TRAPPC8: variants seen among roughly 807,000 people sequenced by gnomAD.
TRAPPC8 encodes trafficking protein particle complex subunit 8, also known as general sporulation gene 1 homolog.
In TRAPPC8, 54 loss-of-function variants were observed where a neutral mutation model predicts 174.3. The observed-to-expected ratio is 0.31, with a 90% CI of 0.25 to 0.39. The LOEUF (loss-of-function observed/expected upper bound fraction) is 0.39, where lower values mean the gene tolerates loss of function less well. Ranked by LOEUF, TRAPPC8 falls within the 10% of genes least tolerant of loss-of-function variation. The pLI, the probability that TRAPPC8 is intolerant of heterozygous loss-of-function variation, is 1.00. For missense variants in TRAPPC8, 1,531 were observed against 1,699.1 expected, an observed-to-expected ratio of 0.90 and a Z score of 1.74; for synonymous variants, 630 against 579.9, an observed-to-expected ratio of 1.09 and a Z score of -1.24.
intron 21 of TRAPPC8, among the ~76,000 whole-genome samples, chr18:31,854,539 A>C (rs2033889818): frequency 6.6e-6 from 1 of 152,220 alleles, no homozygotes; most frequent in Non-Finnish European, 1.5e-5. Flanking sequence ...GAAAGCAGAC[A>C]CCTTACAAAT....
chr18:31,921,830 T>C (rs1037502179), intron 2 of TRAPPC8, among the ~76,000 whole-genome samples: 1 of 152,170 alleles, frequency 6.6e-6, no homozygotes, highest in Non-Finnish European at 1.5e-5. Context: ...TCCAATTATA[T>C]ATATATTTAG....
intron 27 of TRAPPC8, among the ~76,000 whole-genome samples, chr18:31,838,981 T>C (rs1385673444): frequency 6.6e-6 from 1 of 152,224 alleles, no homozygotes; most frequent in Non-Finnish European, 1.5e-5. Flanking sequence ...TTGTTTCTAA[T>C]AGGCTTCTCT....
rs1379396532 is a variant in TRAPPC8 at position 31,870,440 on chromosome 18, A to C, written c.2320T>G (p.Leu774Val). The C allele has an allele frequency of 3.1e-6, 5 of 1,613,212 alleles. No homozygotes were observed. The highest frequency in any genetic ancestry group is 1.3e-5 in the African/African-American group (1 of 75,018). Residue 774 changes from leucine to valine, a missense_variant, in exon 16 of 29, where the codon TTG becomes GTG. By Grantham distance (32) the Leu-to-Val change is conservative. Transcript: ENST00000283351. ...PLKVLLLLTD[L>V]SLLWKFHPKD... Reference sequence around the variant, plus strand: ...GGATGAAACTTCCAAAGCAATGACAAATCAGTCAACAAAAGTAGAACTTTC... The same window carrying C: ...GGATGAAACTTCCAAAGCAATGACACATCAGTCAACAAAAGTAGAACTTTC...
rs532919958 is a variant in TRAPPC8 at position 31,892,954 on chromosome 18, C to T, written c.1597-2088G>A. Among the ~76,000 whole-genome samples, 11 of 150,848 alleles carry T rather than the reference C, an allele frequency of 7.3e-5. No homozygotes were observed. The South Asian group carries it at 2.1e-3, about 29-fold the overall frequency. ...ATCACCTGAGCCTGGGAGGCTGCGG[C>T]TGCAGTGAGCCATGAATGCACCACT... On this transcript the variant is annotated intron_variant, in intron 11 of 28. Coordinates refer to ENST00000283351, the MANE Select transcript of TRAPPC8 (RefSeq NM_014939.5).
chr18:31,931,408 A>T lies in TRAPPC8; in HGVS notation c.273T>A (p.Asp91Glu). The change falls in exon 2 of 29, where the codon GAT becomes GAA. Residue 91 changes from aspartate to glutamate, a missense_variant. Physicochemically the swap from Asp to Glu is conservative, Grantham distance 45. Coordinates refer to ENST00000283351, the MANE Select transcript of TRAPPC8 (RefSeq NM_014939.5). ...CTGCAGGCTGACTGCCAGAAACAAC[A>T]TCATTCAAAAGCTTCCGGATGGCTC... ...QPGAIRKLLN[D>E]VVSGSQPAEG... 6.2e-7 allele frequency: 1 copy of T among 1,612,994 alleles called. No individual in the cohort carries two copies. The highest frequency in any genetic ancestry group is 2.2e-5 in the East Asian group (1 of 44,870).
intron 19 of TRAPPC8, among the ~76,000 whole-genome samples, chr18:31,860,006 A>G (rs971880103): frequency 7.1e-6 from 1 of 141,140 alleles, no homozygotes; most frequent in African/African-American, 2.7e-5. Flanking sequence ...ACAGAGCAAG[A>G]CTCCGTCTCA....
intron 26 of TRAPPC8, among the ~76,000 whole-genome samples, chr18:31,843,902 T>C (rs2033245172): frequency 6.6e-6 from 1 of 152,178 alleles, no homozygotes; most frequent in African/African-American, 2.4e-5. Context: ...TTTCACAGAG[T>C]CTCATTTGTA....
Position 31,864,675 on chromosome 18 carries a change from A to G in TRAPPC8, c.2697T>C (p.Pro899=), listed in dbSNP as rs147664866. ...TGATTATGGGATCTAAACGTCGATC[A>G]GGGCCATATTTAACAGATGTTTTCT... ...KEEKTSVKYG[P]DRRLDPIITE... is the part of the protein sequence containing the mutation. The change falls in exon 19 of 29, where the codon CCT becomes CCC. Residue 899 remains proline, a synonymous_variant. Coordinates refer to ENST00000283351, the MANE Select transcript of TRAPPC8 (RefSeq NM_014939.5). 1,401 of 1,612,934 alleles carry G rather than the reference A, an allele frequency of 8.7e-4. 7 individuals carry two copies. The African/African-American group carries it at 0.016, about 18-fold the overall frequency.
chr18:31,829,345 C>T lies in TRAPPC8; in HGVS notation c.*1410G>A, dbSNP rs1358318449. ...TGAGATACCACTGTGATTATGCCTC[C>T]TCATTCTTGTCTTTCCTCCTCAGAC... is the stretch of plus-strand genomic sequence containing the variant. On this transcript the variant is annotated 3_prime_UTR_variant, in exon 29 of 29. Transcript: ENST00000283351. 2.0e-5 allele frequency: 3 copies of T among 152,102 alleles called. No individual in the cohort carries two copies. Among genetic ancestry groups the T allele is most frequent in the Non-Finnish European group, 4.4e-5 (3 of 68,022 alleles). 9.4% of individuals were successfully genotyped at this position (152,102 alleles called of 1,614,324 possible). A position where few individuals can be genotyped will look rare whatever the true frequency, so the allele number is the denominator to read the frequency against.
Position 31,908,972 on chromosome 18 carries a change from A to G in TRAPPC8, c.904T>C (p.Leu302=), listed in dbSNP as rs370086854. The change falls in exon 7 of 29, where the codon TTG becomes CTG. Residue 302 remains leucine, a synonymous_variant. Coordinates refer to ENST00000283351, the MANE Select transcript of TRAPPC8 (RefSeq NM_014939.5). ...PNNFRAHPLQ[L]EQSSDPSNSI... Reference sequence around the variant, plus strand: ...TTAGAAGGGTCACTGGATTGCTCCAACTGAAGTGGGTGAGCTCTAAAGTTA... The same window carrying G: ...TTAGAAGGGTCACTGGATTGCTCCAGCTGAAGTGGGTGAGCTCTAAAGTTA... 9.3e-6 allele frequency: 15 copies of G among 1,612,130 alleles called. No individual in the cohort carries two copies. Among genetic ancestry groups the G allele is most frequent in the African/African-American group, 1.3e-5 (1 of 74,890 alleles).
At chr18:31,873,628 A>C (rs1021745825) in intron 13 of TRAPPC8, 90 bp from the exon 14 acceptor site, 1 of 830,128 alleles carries the variant, frequency 1.2e-6, no homozygotes, top group African/African-American at 1.7e-5. Context: ...AAGGCATTAA[A>C]AATATGTTAA....
chr18:31,870,877 C>T lies in TRAPPC8; in HGVS notation c.2257+49G>A, dbSNP rs771414166. On this transcript the variant is annotated intron_variant, in intron 15 of 28. Transcript: ENST00000283351. ...CAAACAATAAATTATCTTCATCATGCTGTAAGTAAAACAAATAAAAAACAG... is the reference window on the plus strand; with the variant it reads ...CAAACAATAAATTATCTTCATCATGTTGTAAGTAAAACAAATAAAAAACAG... The T allele has an allele frequency of 5.7e-6, 8 of 1,393,178 alleles. No individual in the cohort carries two copies. The African/African-American group carries it at 1.0e-4, about 18-fold the overall frequency. 86.3% of individuals were successfully genotyped at this position (1,393,178 alleles called of 1,614,324 possible).
At position 31,853,828 on chromosome 18, in the gene TRAPPC8, T is replaced by C. The variant is rs753355895; in HGVS notation, c.3433+21A>G. ...TAATGAAGTTTCAAAATTTATTATG[T>C]AGCAGGAAAAACAAACAAACCTTTG... On this transcript the variant is annotated intron_variant, in intron 22 of 28. Transcript: ENST00000283351. 7 of 1,572,358 alleles carry C rather than the reference T, an allele frequency of 4.5e-6. No homozygotes were observed. The East Asian group carries it at 1.6e-4, about 35-fold the overall frequency.
intron 19 of TRAPPC8, among the ~76,000 whole-genome samples, chr18:31,860,098 T>C (rs138233945): frequency 6.6e-6 from 1 of 152,230 alleles, no homozygotes; most frequent in Non-Finnish European, 1.5e-5. Context: ...TTGATATTTG[T>C]GATAGCTTCA....
intron 11 of TRAPPC8, among the ~76,000 whole-genome samples, chr18:31,896,716 T>C (rs1051331053): frequency 6.6e-6 from 1 of 152,066 alleles, no homozygotes; most frequent in Non-Finnish European, 1.5e-5. Context: ...ACCTCCACCT[T>C]GTGCTCAAGC....
At chr18:31,879,296 T>C (rs1227996298) in intron 12 of TRAPPC8, among the ~76,000 whole-genome samples, 1 of 152,134 alleles carries the variant, frequency 6.6e-6, no homozygotes. Flanking sequence ...CACAGTGGAA[T>C]AAAATTAGAA....
At chr18:31,903,505 A>G (rs760798029) in intron 9 of TRAPPC8, among the ~76,000 whole-genome samples, 11 of 152,154 alleles carry the variant, frequency 7.2e-5, no homozygotes, top group African/African-American at 1.4e-4. Flanking sequence ...CTAACCTTCA[A>G]TAAGTAGAGA....
At chr18:31,844,142 C>T (rs1421724865) in intron 26 of TRAPPC8, among the ~76,000 whole-genome samples, 3 of 152,132 alleles carry the variant, frequency 2.0e-5, no homozygotes, top group Non-Finnish European at 4.4e-5. Flanking sequence ...TATTGGAGAA[C>T]AGTCAGTAAG....
chr18:31,842,939 C>T (rs1460045836), intron 26 of TRAPPC8, among the ~76,000 whole-genome samples: 1 of 152,098 alleles, frequency 6.6e-6, no homozygotes, highest in Non-Finnish European at 1.5e-5. Flanking sequence ...TCAAATCTTG[C>T]ATATTTCTGC....
Sources: allele counts gnomAD v4.1 joint callset (sites outside exome capture counted in the v4.1 genomes callset), GRCh38; gene constraint gnomAD v4.1.1; transcripts MANE v1.5; gene names NCBI Gene and HGNC (gene_info 2026-07-23, HGNC 2026-07-21).